The following TDRD9 variants were observed in gnomAD, a reference collection of about 807,000 sequenced individuals.
The protein encoded by TDRD9 is ATP-dependent RNA helicase TDRD9.
In TDRD9, 124 loss-of-function variants were observed where a neutral mutation model predicts 172.6. The observed-to-expected ratio is 0.72, with a 90% CI of 0.62 to 0.83. TDRD9 has a LOEUF of 0.83. Ranked by LOEUF, TDRD9 falls within the 40% of genes least tolerant of loss-of-function variation. The pLI, the probability that TDRD9 is intolerant of heterozygous loss-of-function variation, is 0.00. For synonymous variants in TDRD9, 619 were observed against 617.1 expected (o/e 1.00, Z -0.05); for missense variants, 1,479 against 1,714.1 (o/e 0.86, Z 2.42).
intron 34 of TDRD9, among the ~76,000 whole-genome samples, chr14:104,046,437 A>G (rs1247642767): frequency 1.3e-5 from 2 of 152,144 alleles, no homozygotes; most frequent in African/African-American, 4.8e-5. Context: ...TTTTTTGCAT[A>G]TGAACATCTA....
intron 1 of TDRD9, among the ~76,000 whole-genome samples, chr14:103,947,368 C>T (rs113602427): frequency 0.023 from 3,513 of 151,086 alleles, 75 homozygotes; most frequent in East Asian, 0.071. Context: ...CTCTCTCTGT[C>T]GCCCAGGCTG....
At chr14:103,952,727 CTCT>C (rs1172077001) in intron 1 of TDRD9, among the ~76,000 whole-genome samples, 1 of 86,544 alleles carries the variant, frequency 1.2e-5, no homozygotes, top group Non-Finnish European at 2.3e-5. Context: ...GGAATTCTCT[CTCT>C]TTTTTTTTTT....
intron 3 of TDRD9, among the ~76,000 whole-genome samples, chr14:103,963,719 G>A (rs573770695): frequency 3.1e-4 from 47 of 152,272 alleles, no homozygotes; most frequent in African/African-American, 9.6e-4. Context: ...AAGAGTAAGC[G>A]TATCGGAACC....
At chr14:103,950,003 CCT>C (rs2031778038) in intron 1 of TDRD9, among the ~76,000 whole-genome samples, 6 of 62,370 alleles carry the variant, frequency 9.6e-5, no homozygotes, top group Non-Finnish European at 1.8e-4. Flanking sequence ...CAAATCAGGC[CCT>C]GCCCTGCCCT....
chr14:104,014,117 T>A (rs1003695507), intron 20 of TDRD9, among the ~76,000 whole-genome samples: 1 of 151,062 alleles, frequency 6.6e-6, no homozygotes, highest in African/African-American at 2.4e-5. Context: ...TAGGCCCAGC[T>A]ACTCGGGAAG....
At chr14:104,035,505 C>T (rs758466514) in intron 32 of TDRD9, among the ~76,000 whole-genome samples, 5 of 152,298 alleles carry the variant, frequency 3.3e-5, no homozygotes, top group South Asian at 2.1e-4. Context: ...GTTAATGCCA[C>T]GATTAAGCCA....
At chr14:103,938,069 G>A (rs2030889718) in intron 1 of TDRD9, among the ~76,000 whole-genome samples, 1 of 151,928 alleles carries the variant, frequency 6.6e-6, no homozygotes, top group South Asian at 2.1e-4. Flanking sequence ...GAGGCAGTTT[G>A]CTCATCTGTC....
chr14:104,025,661 T>G lies in TDRD9; in HGVS notation c.2816T>G (p.Val939Gly), dbSNP rs1224189097. The change falls in exon 26 of 36, where the codon GTG (valine) becomes GGG (glycine). Residue 939 changes from valine to glycine, a missense_variant. Coordinates refer to ENST00000409874, the MANE Select transcript of TDRD9 (RefSeq NM_153046.3). ...LTAEINQLTL[V>G]PLPTHPHPDL... ...GCTGAAATCAACCAACTGACGCTGG[T>G]GCCCTTGCCCACTCACCCACATCCA... The G allele has an allele frequency of 6.2e-7, 1 of 1,613,924 alleles. No individual in the cohort carries two copies.
At chr14:104,013,614 T>C (rs1404045735) in intron 20 of TDRD9, 1 of 152,238 alleles carries the variant, frequency 6.6e-6, no homozygotes, top group Non-Finnish European at 1.5e-5. Flanking sequence ...ACATTACTTA[T>C]TAATTAATTT....
At chr14:103,978,230 A>C (rs1212145749) in intron 7 of TDRD9, among the ~76,000 whole-genome samples, 1 of 152,078 alleles carries the variant, frequency 6.6e-6, no homozygotes, top group Non-Finnish European at 1.5e-5. Context: ...TTTTGATTGA[A>C]ATTGTATGAA....
In TDRD9 at chr14:104,025,876, A is replaced by C. The variant is rs145382805; in HGVS notation, c.2931+100A>C. ...TATAATTGTAGGTGGAAATTAAAAT[A>C]ATTGCAGTTAGCAAAGTAGTCTGTT... is the stretch of plus-strand genomic sequence containing the variant. On this transcript the variant is annotated intron_variant, in intron 26 of 35. Coordinates refer to ENST00000409874, the MANE Select transcript of TDRD9 (RefSeq NM_153046.3). 2.0e-3 allele frequency: 2,303 copies of C among 1,145,026 alleles called. 3 individuals carry two copies. The highest frequency in any genetic ancestry group is 2.6e-3 in the Non-Finnish European group (2,031 of 782,674). The allele number at this position is 1,145,026 out of a possible 1,614,324, so 70.9% of individuals were successfully genotyped here. A position where few individuals can be genotyped will look rare whatever the true frequency, so the allele number is the denominator to read the frequency against.
chr14:103,930,586 C>T (rs1005461809), intron 1 of TDRD9, among the ~76,000 whole-genome samples: 2 of 152,188 alleles, frequency 1.3e-5, no homozygotes, highest in African/African-American at 4.8e-5. Flanking sequence ...TTGTAGAGTT[C>T]TTTCAAGTAC....
intron 1 of TDRD9, among the ~76,000 whole-genome samples, chr14:103,952,221 T>TATATATATATA (rs1491171136): frequency 7.0e-5 from 1 of 14,348 alleles, no homozygotes; most frequent in East Asian, 2.9e-3. Flanking sequence ...TATATATATA[T>TATATATATATA]TTTTTTTTTT....
chr14:103,931,144 C>T lies in TDRD9; in HGVS notation c.215+2420C>T, dbSNP rs79217765. Among the ~76,000 whole-genome samples the T allele has an allele frequency of 2.5e-3, 369 of 149,662 alleles. 3 individuals are homozygous for T. Among genetic ancestry groups the T allele is most frequent in the Middle Eastern group, 0.01 (3 of 292 alleles). ...ACCCTGTCTCTACCAAAAAAAAAAA[C>T]AAAAATTTGCCCAGCATGGTGGTTT... On this transcript the variant is annotated intron_variant, in intron 1 of 35. Transcript: ENST00000409874.
At chr14:104,050,484 A>G (rs886755252) in intron 35 of TDRD9, among the ~76,000 whole-genome samples, 1 of 152,164 alleles carries the variant, frequency 6.6e-6, no homozygotes, top group Non-Finnish European at 1.5e-5. Context: ...AAGGAGCCCA[A>G]AGGAGTTTGG....
At chr14:104,037,341 C>T (rs191359943) in intron 32 of TDRD9, among the ~76,000 whole-genome samples, 13 of 152,286 alleles carry the variant, frequency 8.5e-5, no homozygotes, top group African/African-American at 2.9e-4. Context: ...GCATGGGACT[C>T]GTCTCCTGTT....
At chr14:103,952,675 G>C (rs1317552260) in intron 1 of TDRD9, among the ~76,000 whole-genome samples, 1 of 144,308 alleles carries the variant, frequency 6.9e-6, no homozygotes, top group Non-Finnish European at 1.5e-5. Flanking sequence ...AAAGTTAAAA[G>C]TCACATTTCT....
At chr14:104,036,368 G>A (rs567826702) in intron 32 of TDRD9, among the ~76,000 whole-genome samples, 24 of 152,288 alleles carry the variant, frequency 1.6e-4, no homozygotes, top group Non-Finnish European at 2.8e-4. Context: ...TTGCAATGAT[G>A]ATGCAGTAAA....
At chr14:103,956,106 AAAAAAATATATATATATAT>A (rs1379670707) in intron 2 of TDRD9, among the ~76,000 whole-genome samples, 1 of 43,116 alleles carries the variant, frequency 2.3e-5, no homozygotes, top group Non-Finnish European at 4.1e-5. Context: ...AAAAAAAAAA[AAAAAAATATATATATATAT>A]ATATATATAT....
Sources: gnomAD v4.1 joint callset for allele counts (sites outside exome capture counted in the v4.1 genomes callset) on GRCh38, gnomAD v4.1.1 for gene constraint, MANE v1.5 for transcripts, NCBI Gene and HGNC (gene_info 2026-07-23, HGNC 2026-07-21) for gene names.